Variants in HAPLN1 observed in about 807,000 individuals in gnomAD.
The protein encoded by HAPLN1 is hyaluronan and proteoglycan link protein 1.
HAPLN1 carries 13 observed loss-of-function variants against 36.5 expected under a neutral mutation model. That is an observed-to-expected ratio of 0.36 (90% CI 0.23 to 0.57). The LOEUF is 0.57. HAPLN1 is among the 20% of genes least tolerant of loss of function. The pLI is 0.83. For missense variants in HAPLN1, 407 were observed against 439.7 expected (o/e 0.93, Z 0.66); for synonymous variants, 202 against 169.8 (o/e 1.19, Z -1.48).
intron 1 of HAPLN1, among the ~76,000 whole-genome samples, chr5:83,686,712 C>T (rs1751136799): frequency 6.6e-6 from 1 of 152,124 alleles, no homozygotes; most frequent in African/African-American, 2.4e-5. Flanking sequence ...GCCCACCTGC[C>T]GTTTTGGAGG....
In HAPLN1 at chr5:83,638,852, G is replaced by C. The variant is rs542326937; in HGVS notation, c.*2644C>G. ...CTTATGTTGTCTTTTTATTTGAATT[G>C]CTTCTTTTTGTTTGGGTTTTCCAAT... On this transcript the variant is annotated 3_prime_UTR_variant, in exon 5 of 5. Transcript: ENST00000274341. 1 of 151,984 alleles carries C rather than the reference G, an allele frequency of 6.6e-6. No individual in the cohort carries two copies. The highest frequency in any genetic ancestry group is 1.5e-5 in the Non-Finnish European group (1 of 67,910). The allele number at this position is 151,984 out of a possible 1,614,324, so 9.4% of individuals were successfully genotyped here.
intron 1 of HAPLN1, among the ~76,000 whole-genome samples, chr5:83,704,534 A>C (rs1332479924): frequency 6.6e-6 from 1 of 152,214 alleles, no homozygotes; most frequent in Non-Finnish European, 1.5e-5. Context: ...AACACCCATA[A>C]GCTCAAAATA....
intron 1 of HAPLN1, among the ~76,000 whole-genome samples, chr5:83,714,842 T>G (rs1751881398): frequency 6.6e-6 from 1 of 152,216 alleles, no homozygotes; most frequent in South Asian, 2.1e-4. Flanking sequence ...AGCACTGTCA[T>G]GAAGGGCTGA....
At chr5:83,666,930 A>T (rs1203135035) in intron 2 of HAPLN1, among the ~76,000 whole-genome samples, 1 of 152,144 alleles carries the variant, frequency 6.6e-6, no homozygotes, top group African/African-American at 2.4e-5. Flanking sequence ...TACAAAGAAG[A>T]CAAGGACATG....
intron 2 of HAPLN1, among the ~76,000 whole-genome samples, chr5:83,654,489 G>A (rs1439203579): frequency 1.3e-5 from 2 of 152,114 alleles, no homozygotes; most frequent in Admixed American, 1.3e-4. Flanking sequence ...AACTTCTACT[G>A]AAACATCTCT....
chr5:83,659,684 A>G (rs1403366790), intron 2 of HAPLN1, among the ~76,000 whole-genome samples: 1 of 152,170 alleles, frequency 6.6e-6, no homozygotes, highest in African/African-American at 2.4e-5. Context: ...AGCCATAATT[A>G]TACTATATTA....
intron 3 of HAPLN1, among the ~76,000 whole-genome samples, chr5:83,650,632 CTTTTT>C (rs5869195): frequency 9.6e-6 from 1 of 103,764 alleles, no homozygotes. Context: ...AAATTCTTTT[CTTTTT>C]TTTTTTTTTT....
chr5:83,642,971 T>G (rs1470286152), intron 4 of HAPLN1, among the ~76,000 whole-genome samples: 1 of 152,184 alleles, frequency 6.6e-6, no homozygotes, highest in Non-Finnish European at 1.5e-5. Context: ...AATGAGCCTT[T>G]GCAGCAGACA....
chr5:83,719,344 G>T (rs996192506), intron 1 of HAPLN1, among the ~76,000 whole-genome samples: 1 of 152,178 alleles, frequency 6.6e-6, no homozygotes, highest in African/African-American at 2.4e-5. Flanking sequence ...GAGGTTGTTG[G>T]TTATCTCTTG....
chr5:83,700,690 T>G (rs1444576595), intron 1 of HAPLN1, among the ~76,000 whole-genome samples: 1 of 151,748 alleles, frequency 6.6e-6, no homozygotes, highest in East Asian at 1.9e-4. Flanking sequence ...TGCACTACCA[T>G]TCATAATGAC....
At chr5:83,688,817 A>C (rs1475120191) in intron 1 of HAPLN1, among the ~76,000 whole-genome samples, 1 of 152,000 alleles carries the variant, frequency 6.6e-6, no homozygotes, top group African/African-American at 2.4e-5. Context: ...ACCCTCTGCT[A>C]TGTACAGTGA....
chr5:83,647,173 C>T (rs1254986422), intron 3 of HAPLN1, among the ~76,000 whole-genome samples: 2 of 152,148 alleles, frequency 1.3e-5, no homozygotes, highest in Admixed American at 6.5e-5. Flanking sequence ...CGATTTAGTT[C>T]CACATCCAGT....
At chr5:83,699,122 A>G (rs1751452898) in intron 1 of HAPLN1, among the ~76,000 whole-genome samples, 1 of 152,234 alleles carries the variant, frequency 6.6e-6, no homozygotes, top group Non-Finnish European at 1.5e-5. Context: ...CTAAGGCAGT[A>G]AAAAGTGAGC....
At chr5:83,667,679 C>T (rs530504777) in intron 2 of HAPLN1, among the ~76,000 whole-genome samples, 5 of 152,244 alleles carry the variant, frequency 3.3e-5, no homozygotes, top group Non-Finnish European at 7.4e-5. Flanking sequence ...GTATCCAGTT[C>T]TCCCATTAAA....
intron 2 of HAPLN1, among the ~76,000 whole-genome samples, chr5:83,667,420 T>G (rs1750583859): frequency 6.6e-6 from 1 of 152,186 alleles, no homozygotes; most frequent in African/African-American, 2.4e-5. Context: ...GATGGAATTC[T>G]CTGATGTTTT....
rs538521151 is a variant in HAPLN1 at position 83,697,031 on chromosome 5, A to T, written c.-26-23482T>A. ...CACCCGTAAAAGAAACTGTGTACCT[A>T]TGAGCTGTTATTCCCTATTCCCTCC... is the stretch of plus-strand genomic sequence containing the variant. On this transcript the variant is annotated intron_variant, in intron 1 of 4. Transcript: ENST00000274341. 8.5e-5 allele frequency among the ~76,000 whole-genome samples: 13 copies of T among 152,196 alleles called. No individual in the cohort carries two copies. The South Asian group carries it at 2.7e-3, about 32-fold the overall frequency.
At chr5:83,644,298 G>C in intron 4 of HAPLN1, 65 bp downstream of exon 4, 1 of 1,158,322 alleles carries the variant, frequency 8.6e-7, no homozygotes, top group Non-Finnish European at 1.1e-6. Flanking sequence ...TAAAAGCCAA[G>C]TGTAGTGTTA....
In HAPLN1 at chr5:83,639,844, T is replaced by C. The variant is rs1749629765; in HGVS notation, c.*1652A>G. On this transcript the variant is annotated 3_prime_UTR_variant, in exon 5 of 5. Coordinates refer to ENST00000274341, the MANE Select transcript of HAPLN1 (RefSeq NM_001884.4). ...GTTTTTGATGAAAGAAAGGACCTAC[T>C]TTTATTACAATATTTTGTCTGAATA... 1 of 152,152 alleles carries C rather than the reference T, an allele frequency of 6.6e-6. No homozygotes were observed. The highest frequency in any genetic ancestry group is 2.4e-5 in the African/African-American group (1 of 41,462). 9.4% of individuals were successfully genotyped at this position (152,152 alleles called of 1,614,324 possible).
chr5:83,668,167 C>T (rs1243140325), intron 2 of HAPLN1, among the ~76,000 whole-genome samples: 4 of 152,216 alleles, frequency 2.6e-5, no homozygotes, highest in Middle Eastern at 3.4e-3. Flanking sequence ...AGATTCCTGC[C>T]TTCATGAAGC....
Sources: gnomAD v4.1 joint callset for allele counts (sites outside exome capture counted in the v4.1 genomes callset) on GRCh38, gnomAD v4.1.1 for gene constraint, MANE v1.5 for transcripts, NCBI Gene and HGNC (gene_info 2026-07-23, HGNC 2026-07-21) for gene names.